EVL: variants seen among roughly 807,000 people sequenced by gnomAD.
The protein encoded by EVL is ena/VASP-like protein.
In EVL, 21 loss-of-function variants were observed where a neutral mutation model predicts 59.6. The ratio of observed to expected loss-of-function variants is 0.35; its 90% CI spans 0.25 to 0.51. EVL has a LOEUF of 0.51. EVL is among the 20% of genes least tolerant of loss of function. EVL has a pLI of 0.97. For synonymous variants in EVL, 198 were observed against 203.5 expected (o/e 0.97, Z 0.23); for missense variants, 462 against 546.6 (o/e 0.85, Z 1.54).
chr14:100,137,524 G>A, intron 9 of EVL, 54 bp from the exon 10 acceptor site: 1 of 1,575,806 alleles, frequency 6.3e-7, no homozygotes, highest in Non-Finnish European at 8.7e-7. Context: ...GGATTGGGGT[G>A]GCTACTGAGT....
intron 1 of EVL, among the ~76,000 whole-genome samples, chr14:100,033,537 T>C (rs903479671): frequency 6.6e-6 from 1 of 152,262 alleles, no homozygotes; most frequent in Non-Finnish European, 1.5e-5. Context: ...ATTCCATAGC[T>C]GCTTTCTACC....
chr14:100,001,270 GAAGGAA>G (rs1451618677), intron 1 of EVL, among the ~76,000 whole-genome samples: 3 of 152,120 alleles, frequency 2.0e-5, no homozygotes, highest in African/African-American at 7.2e-5. Context: ...GGAAAAAACG[GAAGGAA>G]AAGGAAAAGA....
intron 8 of EVL, chr14:100,135,615 G>A (rs992400285): frequency 1.4e-5 from 5 of 356,770 alleles, no homozygotes; most frequent in Admixed American, 4.0e-5. Context: ...GCCCAAGGGG[G>A]GCTCAGGGCT....
intron 1 of EVL, among the ~76,000 whole-genome samples, chr14:99,987,318 ACT>A (rs1191958325): frequency 6.6e-6 from 1 of 152,156 alleles, no homozygotes; most frequent in African/African-American, 2.4e-5. Context: ...TGAGGGTTGA[ACT>A]CTCATATATG....
chr14:100,135,806 G>T, intron 8 of EVL, 99 bp from the exon 9 acceptor site: 1 of 1,048,962 alleles, frequency 9.5e-7, no homozygotes. Flanking sequence ...GTGTTCATTG[G>T]GAACATTTGG....
In EVL at chr14:100,126,734, G is replaced by A. The variant is rs1595230210; in HGVS notation, c.450G>A (p.Gln150=). 5.0e-6 allele frequency: 8 copies of A among 1,614,180 alleles called. No individual in the cohort carries two copies. The highest frequency in any genetic ancestry group is 5.9e-6 in the Non-Finnish European group (7 of 1,180,030). Residue 150 remains glutamine, a synonymous_variant, in exon 5 of 14, where the codon CAG becomes CAA. Coordinates refer to ENST00000392920, the MANE Select transcript of EVL (RefSeq NM_016337.3). The part of the protein sequence containing the change: ...RRQVMEQHQQ[Q]RQESLERRTS... ...AAGTGATGGAGCAGCACCAGCAGCA[G>A]CGTCAGGAATCTCTAGAAAGAAGAA...
At chr14:100,143,166 C>G (rs1453540897) in intron 13 of EVL, among the ~76,000 whole-genome samples, 1 of 152,024 alleles carries the variant, frequency 6.6e-6, no homozygotes, top group Non-Finnish European at 1.5e-5. Flanking sequence ...GATGAGGAAG[C>G]TGGGGGGAGG....
chr14:100,132,730 C>T lies in EVL; in HGVS notation c.851C>T (p.Ala284Val), dbSNP rs1324481643. ...NKLLAKRRKAASQSDKPAEKK... is the reference protein window; with the variant it reads ...NKLLAKRRKAVSQSDKPAEKK... ...TTCTCTGTGCCTAGGAGAAAAGCAGCCTCCCAGTCAGACAAGCCAGCCGAG... is the reference window on the plus strand; with the variant it reads ...TTCTCTGTGCCTAGGAGAAAAGCAGTCTCCCAGTCAGACAAGCCAGCCGAG... The change falls in exon 8 of 14, where the codon GCC becomes GTC. Residue 284 changes from alanine (A) to valine (V), a missense_variant. Ala to Val is a moderately conservative substitution (Grantham distance 64, BLOSUM62 0). Coordinates refer to ENST00000392920, the MANE Select transcript of EVL (RefSeq NM_016337.3). 6.2e-7 allele frequency: 1 copy of T among 1,614,188 alleles called. No homozygotes were observed. The highest frequency in any genetic ancestry group is 1.7e-5 in the Admixed American group (1 of 60,030).
chr14:99,981,127 G>T (rs1174945754), intron 1 of EVL, among the ~76,000 whole-genome samples: 1 of 151,710 alleles, frequency 6.6e-6, no homozygotes, highest in Non-Finnish European at 1.5e-5. Context: ...TAGCACTTCT[G>T]TTGATTAAGA....
intron 1 of EVL, among the ~76,000 whole-genome samples, chr14:100,035,554 C>A (rs141074317): frequency 1.3e-5 from 2 of 152,014 alleles, no homozygotes; most frequent in African/African-American, 4.8e-5. Context: ...ATGGGGAGAG[C>A]GCTGAGATGT....
intron 3 of EVL, among the ~76,000 whole-genome samples, chr14:100,113,403 C>T (rs1396923918): frequency 2.0e-5 from 3 of 152,126 alleles, no homozygotes; most frequent in South Asian, 4.1e-4. Flanking sequence ...GAACGGTGCC[C>T]GGCAGGTAGT....
In EVL at chr14:100,128,589, GCCCCCCCCA is replaced by G; in HGVS notation, c.564_572del (p.Pro189_Pro191del). ...CCGTCTCATGTAGTGGGCCTCCACC[GCCCCCCCCA>G]CCCCCAGTCCCACCTCCACCCACTG... On this transcript the variant is annotated inframe_deletion, in exon 6 of 14. Coordinates refer to ENST00000392920, the MANE Select transcript of EVL (RefSeq NM_016337.3). 2.4e-6 allele frequency: 2 copies of G among 831,408 alleles called. No individual in the cohort carries two copies. Among genetic ancestry groups the G allele is most frequent in the Non-Finnish European group, 1.7e-6 (1 of 590,466 alleles). 51.5% of individuals were successfully genotyped at this position (831,408 alleles called of 1,614,324 possible). A position where few individuals can be genotyped will look rare whatever the true frequency, so the allele number is the denominator to read the frequency against.
At chr14:100,002,658 A>C (rs1375292503) in intron 1 of EVL, among the ~76,000 whole-genome samples, 1 of 152,256 alleles carries the variant, frequency 6.6e-6, no homozygotes, top group Non-Finnish European at 1.5e-5. Flanking sequence ...TTAAAAGATT[A>C]ATTAGGTCAG....
chr14:100,081,999 C>T (rs1351642966), intron 1 of EVL, among the ~76,000 whole-genome samples: 2 of 152,206 alleles, frequency 1.3e-5, no homozygotes, highest in African/African-American at 4.8e-5. Context: ...TGGTATGTGC[C>T]TGTAGTCCCA....
chr14:99,971,521 G>C (rs1041301454), exon 1 of EVL: 3 of 151,800 alleles, frequency 2.0e-5, no homozygotes, highest in Non-Finnish European at 4.4e-5. Flanking sequence ...GCCGCGGGCG[G>C]AGGGGCGCAC....
In EVL at chr14:99,972,981, T is replaced by C. The variant is rs1224578917; in HGVS notation, c.5+924T>C. Among the ~76,000 whole-genome samples the C allele has an allele frequency of 6.6e-6, 1 of 152,210 alleles. No homozygotes were observed. The highest frequency in any genetic ancestry group is 1.5e-5 in the Non-Finnish European group (1 of 68,030). On this transcript the variant is annotated intron_variant, in intron 1 of 13. Coordinates refer to the EVL transcript ENST00000402714. The surrounding 1 kb of genome is among the most constrained non-coding windows in gnomAD (Gnocchi z 4.4). ...GAGATCCATTCCGTTGTAATCGTTA[T>C]TTGTTCATTTTTATTGGTCTATAGT...
chr14:100,072,983 C>G (rs529780551), intron 1 of EVL, among the ~76,000 whole-genome samples: 1 of 152,270 alleles, frequency 6.6e-6, no homozygotes, highest in South Asian at 2.1e-4. Context: ...GGCGTGTTTC[C>G]TAAGAAAATC....
At chr14:100,087,170 C>T (rs534883213) in intron 2 of EVL, among the ~76,000 whole-genome samples, 50 of 152,286 alleles carry the variant, frequency 3.3e-4, no homozygotes, top group African/African-American at 1.2e-3. Context: ...ATTATCATCA[C>T]CATTTTGCTA....
chr14:100,122,842 A>T (rs1887785674), intron 3 of EVL, among the ~76,000 whole-genome samples: 1 of 152,216 alleles, frequency 6.6e-6, no homozygotes, highest in African/African-American at 2.4e-5. Flanking sequence ...AGGTCTGCAC[A>T]GCAGACTTCG....
Sources: gnomAD v4.1 joint callset for allele counts (sites outside exome capture counted in the v4.1 genomes callset) on GRCh38, gnomAD v4.1.1 for gene constraint, Gnocchi (gnomAD v3.1) non-coding constraint, MANE v1.5 for transcripts, NCBI Gene and HGNC (gene_info 2026-07-23, HGNC 2026-07-21) for gene names.